LYPD1: variants seen among roughly 807,000 people sequenced by gnomAD.
LYPD1 encodes ly6/PLAUR domain-containing protein 1.
LYPD1 carries 14 observed loss-of-function variants against 14.2 expected under a neutral mutation model. The ratio of observed to expected loss-of-function variants is 0.99; its 90% confidence interval spans 0.65 to 1.54. LYPD1 has a LOEUF of 1.54. Ranked by LOEUF, LYPD1 falls within the 40% of genes most tolerant of loss-of-function variation. The pLI is 0.00. For missense variants in LYPD1, 165 were observed against 175.7 expected (o/e 0.94, Z 0.34); for synonymous variants, 85 against 70.6 (o/e 1.20, Z -1.02).
rs986138894 is a variant in LYPD1, at chr2:132,670,086, G to A, written c.-154C>T. On this transcript the variant is annotated 5_prime_UTR_variant, in exon 1 of 3. Coordinates refer to ENST00000397463, the MANE Select transcript of LYPD1 (RefSeq NM_144586.7). This position sits in a 1 kb window ranked among gnomAD's most constrained non-coding sequence, Gnocchi z 4.5. ...CGGTCGTAGCTTAGAGGAGCCGCAG[G>A]TGCCGCTCGCGGAGCCTGCATCGCC... 17 of 1,478,912 alleles carry A rather than the reference G, an allele frequency of 1.1e-5. No homozygotes were observed. The Admixed American group carries it at 3.7e-4, about 32-fold the overall frequency. The allele number at this position is 1,478,912 out of a possible 1,614,324, so 91.6% of individuals were successfully genotyped here.
In LYPD1 at chr2:132,646,058, G is replaced by T. The variant is rs1180689577; in HGVS notation, c.413C>A (p.Ser138Ter). The change falls in exon 3 of 3, where the codon TCG becomes TAG. Residue 138 changes from serine (S) to a stop codon, truncating the protein, a stop_gained. Transcript: ENST00000397463. LOFTEE classifies it high-confidence loss of function. ...TILFLKLALF[S>*]AHC ...TCTCCTTCAGCTTCAGCAGTGTGCCGAGAAGAGGGCTAATTTGAGGAACAG... is the reference window on the plus strand; with the variant it reads ...TCTCCTTCAGCTTCAGCAGTGTGCCTAGAAGAGGGCTAATTTGAGGAACAG... 6.3e-7 allele frequency: 1 copy of T among 1,576,576 alleles called. No individual in the cohort carries two copies. The highest frequency in any genetic ancestry group is 1.4e-5 in the African/African-American group (1 of 73,798).
rs1683545960 is a variant in LYPD1 at position 132,669,851 on chromosome 2, C to T, written c.52+30G>A. The stretch of plus-strand genomic sequence containing the variant: ...GGGTAGATGGATTGTGCGCACCTGG[C>T]CTCGGCTGCTGGCCTCTGGGTATTC... On this transcript the variant is annotated intron_variant, in intron 1 of 2. Transcript: ENST00000397463. The surrounding 1 kb of genome is among the most constrained non-coding windows in gnomAD (Gnocchi z 4.3). The T allele has an allele frequency of 1.9e-6, 3 of 1,610,962 alleles. No homozygotes were observed. Among genetic ancestry groups the T allele is most frequent in the Non-Finnish European group, 2.5e-6 (3 of 1,178,604 alleles).
intron 2 of LYPD1, among the ~76,000 whole-genome samples, chr2:132,661,216 CTG>C (rs1337662320): frequency 1.3e-5 from 2 of 152,118 alleles, no homozygotes; most frequent in African/African-American, 4.8e-5. Flanking sequence ...CTGAGGATTC[CTG>C]TGTTTAAAAG....
chr2:132,644,959 C>T lies in LYPD1; in HGVS notation c.*1086G>A. 1 of 924,224 alleles carries T rather than the reference C, an allele frequency of 1.1e-6. No individual in the cohort carries two copies. 57.3% of individuals were successfully genotyped at this position (924,224 alleles called of 1,614,324 possible). ...TTGTGGCAAAAGAAGCTGTCAAGTCCAACACTGAAAAATTGGTACCATTTC... is the reference window on the plus strand; with the variant it reads ...TTGTGGCAAAAGAAGCTGTCAAGTCTAACACTGAAAAATTGGTACCATTTC... On this transcript the variant is annotated 3_prime_UTR_variant, in exon 3 of 3. Transcript: ENST00000397463.
intron 2 of LYPD1, among the ~76,000 whole-genome samples, chr2:132,650,589 C>A (rs1394101227): frequency 1.3e-5 from 2 of 151,982 alleles, no homozygotes; most frequent in African/African-American, 4.8e-5. Context: ...GGTAAATTTC[C>A]AGTGTCTTAT....
At chr2:132,652,341 A>C (rs1264055797) in intron 2 of LYPD1, among the ~76,000 whole-genome samples, 1 of 152,184 alleles carries the variant, frequency 6.6e-6, no homozygotes, top group Non-Finnish European at 1.5e-5. Context: ...ACAGAAGGAA[A>C]GGGGGTTATT....
Position 132,645,138 on chromosome 2 carries a change from C to CA in LYPD1, c.*906dup, listed in dbSNP as rs756848610. 6.2e-7 allele frequency: 1 copy of CA among 1,613,980 alleles called. No homozygotes were observed. Among genetic ancestry groups the CA allele is most frequent in the Non-Finnish European group, 8.5e-7 (1 of 1,179,944 alleles). On this transcript the variant is annotated 3_prime_UTR_variant, in exon 3 of 3. Transcript: ENST00000397463. ...TGACATTGGCCGTATGCTGGATGCC[C>CA]AACCAGATTCGGAGGATCATGGCTG...
intron 2 of LYPD1, among the ~76,000 whole-genome samples, chr2:132,648,151 C>A (rs1682204401): frequency 6.6e-6 from 1 of 152,158 alleles, no homozygotes; most frequent in African/African-American, 2.4e-5. Flanking sequence ...CCATCCATGG[C>A]CCTTTTTAGG....
intron 2 of LYPD1, among the ~76,000 whole-genome samples, chr2:132,653,865 A>G (rs1682445287): frequency 6.6e-6 from 1 of 152,244 alleles, no homozygotes; most frequent in African/African-American, 2.4e-5. Context: ...AGAAAACAGC[A>G]GACAATCCCA....
At chr2:132,662,463 T>A (rs191574762) in intron 2 of LYPD1, among the ~76,000 whole-genome samples, 2 of 152,150 alleles carry the variant, frequency 1.3e-5, no homozygotes, top group Non-Finnish European at 2.9e-5. Context: ...ACACTTTCCA[T>A]TGGACAAGTA....
In LYPD1 at chr2:132,647,301, C is replaced by T. The variant is rs528821485; in HGVS notation, c.191-1021G>A. 1.7e-4 allele frequency among the ~76,000 whole-genome samples: 26 copies of T among 152,354 alleles called. No homozygotes were observed. The South Asian group carries it at 5.4e-3, about 32-fold the overall frequency. On this transcript the variant is annotated intron_variant, in intron 2 of 2. Coordinates refer to ENST00000397463, the MANE Select transcript of LYPD1 (RefSeq NM_144586.7). The stretch of plus-strand genomic sequence containing the variant: ...TGGAGCAGCTGGGATTTGAACCCAG[C>T]ATTCTGGCTCCATGCTGTCAAGACG...
chr2:132,655,513 C>CTTTTTT (rs1558879316), intron 2 of LYPD1, among the ~76,000 whole-genome samples: 3 of 61,016 alleles, frequency 4.9e-5, no homozygotes, highest in African/African-American at 1.2e-4. Context: ...GGTTGAGAAG[C>CTTTTTT]ATTTTTTTTT....
At chr2:132,658,723 T>C (rs1052034599) in intron 2 of LYPD1, among the ~76,000 whole-genome samples, 1 of 150,800 alleles carries the variant, frequency 6.6e-6, no homozygotes, top group African/African-American at 2.5e-5. Flanking sequence ...ATCCCTCAGC[T>C]GAAAGTCTAA....
At position 132,670,079 on chromosome 2, in the gene LYPD1, G is replaced by T; in HGVS notation, c.-147C>A. 6.7e-7 allele frequency: 1 copy of T among 1,483,290 alleles called. No individual in the cohort carries two copies. The highest frequency in any genetic ancestry group is 8.9e-7 in the Non-Finnish European group (1 of 1,124,886). The allele number at this position is 1,483,290 out of a possible 1,614,324, so 91.9% of individuals were successfully genotyped here. The stretch of plus-strand genomic sequence containing the variant: ...GAGACGACGGTCGTAGCTTAGAGGA[G>T]CCGCAGGTGCCGCTCGCGGAGCCTG... On this transcript the variant is annotated 5_prime_UTR_variant, in exon 1 of 3. Transcript: ENST00000397463. This position sits in a 1 kb window ranked among gnomAD's most constrained non-coding sequence, Gnocchi z 4.5.
At chr2:132,653,391 A>G (rs1261244592) in intron 2 of LYPD1, among the ~76,000 whole-genome samples, 1 of 152,222 alleles carries the variant, frequency 6.6e-6, no homozygotes, top group Non-Finnish European at 1.5e-5. Flanking sequence ...ATAGTATTGG[A>G]TTATAACCCC....
rs944718397 is a variant in LYPD1 at position 132,645,968 on chromosome 2, AACTC to A, written c.*73_*76del. 5.7e-5 allele frequency: 63 copies of A among 1,114,112 alleles called. No homozygotes were observed. The highest frequency in any genetic ancestry group is 6.9e-5 in the Non-Finnish European group (54 of 788,210). 69.0% of individuals were successfully genotyped at this position (1,114,112 alleles called of 1,614,324 possible). ...CCAGAATAAAAGGACACCCAGAAGAAACTCACTCAGGGAGGTGGGGGGTTGGGGG... is the reference window on the plus strand; with the variant it reads ...CCAGAATAAAAGGACACCCAGAAGAAACTCAGGGAGGTGGGGGGTTGGGGG... On this transcript the variant is annotated 3_prime_UTR_variant, in exon 3 of 3. Coordinates refer to ENST00000397463, the MANE Select transcript of LYPD1 (RefSeq NM_144586.7).
In LYPD1 at chr2:132,645,845, C is replaced by T. The variant is rs1406328739; in HGVS notation, c.*200G>A. 3.0e-6 allele frequency: 2 copies of T among 669,986 alleles called. No homozygotes were observed. The highest frequency in any genetic ancestry group is 4.9e-6 in the Non-Finnish European group (2 of 407,162). 41.5% of individuals were successfully genotyped at this position (669,986 alleles called of 1,614,324 possible). A position where few individuals can be genotyped will look rare whatever the true frequency, so the allele number is the denominator to read the frequency against. On this transcript the variant is annotated 3_prime_UTR_variant, in exon 3 of 3. Transcript: ENST00000397463. ...TCCACCTCCTTCCTTCAAGTACATA[C>T]TGAAAATTCAGTCAGGCTGAATTTA...
intron 2 of LYPD1, among the ~76,000 whole-genome samples, chr2:132,666,299 GC>G: frequency 6.6e-6 from 1 of 152,216 alleles, no homozygotes; most frequent in East Asian, 1.9e-4. Flanking sequence ...GAGGTATAAG[GC>G]CCCCCTGGAC....
chr2:132,651,545 G>A (rs893130109), intron 2 of LYPD1, among the ~76,000 whole-genome samples: 6 of 152,196 alleles, frequency 3.9e-5, no homozygotes, highest in African/African-American at 1.4e-4. Context: ...AATTCAAAAT[G>A]CAACAAATAA....
Sources: gnomAD v4.1 joint callset for allele counts (sites outside exome capture counted in the v4.1 genomes callset) on GRCh38, gnomAD v4.1.1 for gene constraint, Gnocchi (gnomAD v3.1) non-coding constraint, MANE v1.5 for transcripts, NCBI Gene and HGNC (gene_info 2026-07-23, HGNC 2026-07-21) for gene names.